The following CPNE7 variants were observed in gnomAD, a reference collection of about 807,000 sequenced individuals.
CPNE7 encodes the protein copine 7.
Under a neutral mutation model 66.5 loss-of-function variants are expected in CPNE7, and 78 were observed. The observed-to-expected ratio is 1.17, with a 90% CI of 0.98 to 1.42. The LOEUF (loss-of-function observed/expected upper bound fraction) is 1.42, where lower values mean the gene tolerates loss of function less well. Among genes scored for constraint, CPNE7 ranks in the 40% most tolerant of loss-of-function variants. The pLI, the probability that CPNE7 is intolerant of heterozygous loss-of-function variation, is 0.00. For synonymous variants in CPNE7, 468 were observed against 336.7 expected (o/e 1.39, Z -4.27); for missense variants, 1,012 against 776.6 (o/e 1.30, Z -3.60).
intron 9 of CPNE7, 59 bp downstream of exon 9, chr16:89,587,161 C>T (rs2059060690): frequency 1.1e-6 from 1 of 929,988 alleles, no homozygotes. Flanking sequence ...CCCCGCCCCG[C>T]CCCCTCAGTC....
chr16:89,590,901 GGGGGACATGGGGGCT>G (rs2059156965), intron 11 of CPNE7, 91 bp from the exon 12 acceptor site: 1 of 1,213,742 alleles, frequency 8.2e-7, no homozygotes, highest in Non-Finnish European at 1.2e-6. Flanking sequence ...GCAGCTGACT[GGGGGACATGGGGGCT>G]GGGGACGGGG....
chr16:89,579,110 G>A, intron 2 of CPNE7: 1 of 659,246 alleles, frequency 1.5e-6, no homozygotes, highest in Non-Finnish European at 2.4e-6. Flanking sequence ...CCAACATGAT[G>A]AAACCCCATC....
chr16:89,585,454 C>A lies in CPNE7; in HGVS notation c.592-10C>A. On this transcript the variant is annotated splice_polypyrimidine_tract_variant and intron_variant, in intron 5 of 14. Coordinates refer to ENST00000319518, the MANE Select transcript of CPNE7 (RefSeq NM_153636.3). Reference sequence around the variant, plus strand: ...GGGCCTCCCCTGAGCCAGCCCCTCCCGGCCCACAGGTGGTGAAGAACAACC... The same window carrying A: ...GGGCCTCCCCTGAGCCAGCCCCTCCAGGCCCACAGGTGGTGAAGAACAACC... The A allele has an allele frequency of 6.2e-7, 1 of 1,605,644 alleles. No individual in the cohort carries two copies. Among genetic ancestry groups the A allele is most frequent in the East Asian group, 2.2e-5 (1 of 44,510 alleles).
In CPNE7 at chr16:89,596,541, G is replaced by A; in HGVS notation, c.1597G>A (p.Glu533Lys). 4 of 1,609,934 alleles carry A rather than the reference G, an allele frequency of 2.5e-6. No homozygotes were observed. Among genetic ancestry groups the A allele is most frequent in the Non-Finnish European group, 2.5e-6 (3 of 1,179,838 alleles). The change falls in exon 15 of 15, where the codon GAG (glutamate) becomes AAG (lysine). Residue 533 changes from glutamate (E) to lysine (K), a missense_variant. Transcript: ENST00000319518. The part of the protein sequence containing the change: ...VLAEVPKQVV[E>K]YYSHRGLPPR... ...GGCCGAGGTCCCGAAGCAGGTGGTGGAGTACTACAGCCACAGAGGCCTGCC... is the reference window on the plus strand; with the variant it reads ...GGCCGAGGTCCCGAAGCAGGTGGTGAAGTACTACAGCCACAGAGGCCTGCC...
chr16:89,579,274 A>G (rs890366336), intron 2 of CPNE7, among the ~76,000 whole-genome samples: 1 of 151,812 alleles, frequency 6.6e-6, no homozygotes, highest in Non-Finnish European at 1.5e-5. Flanking sequence ...CCCAGGTGAC[A>G]GTGAGTCTTT....
chr16:89,592,119 C>A (rs982153683), intron 13 of CPNE7, among the ~76,000 whole-genome samples: 1 of 151,528 alleles, frequency 6.6e-6, no homozygotes, highest in Non-Finnish European at 1.5e-5. Context: ...CGCCATTCTC[C>A]TGCCTCAGCC....
intron 1 of CPNE7, 113 bp downstream of exon 1, chr16:89,576,184 C>T (rs373250085): frequency 1.1e-6 from 1 of 934,572 alleles, no homozygotes. Context: ...AGGCGGGGCC[C>T]CCCGGAGCTG....
chr16:89,590,695 C>T (rs1397728959), intron 11 of CPNE7, among the ~76,000 whole-genome samples: 2 of 147,738 alleles, frequency 1.4e-5, no homozygotes, highest in African/African-American at 5.1e-5. Flanking sequence ...GTTTGGCTTC[C>T]CCTAGAAACT....
chr16:89,593,542 C>G (rs966195050), intron 13 of CPNE7, among the ~76,000 whole-genome samples: 1 of 151,692 alleles, frequency 6.6e-6, no homozygotes, highest in African/African-American at 2.4e-5. Context: ...TTAGTAGAGA[C>G]GGGGTTTCAC....
At chr16:89,590,952 G>A in intron 11 of CPNE7, 55 bp from the exon 12 acceptor site, 4 of 1,602,304 alleles carry the variant, frequency 2.5e-6, no homozygotes, top group Non-Finnish European at 3.4e-6. Flanking sequence ...GGGACATGGG[G>A]CCAGTGGGGT....
chr16:89,583,786 C>G lies in CPNE7; in HGVS notation c.432+15C>G. ...CCACCATCACGGTGAGACCCGGGCG[C>G]ACCCCTGCAGCCTGCAGGCCCTGCT... On this transcript the variant is annotated intron_variant, in intron 3 of 14. Coordinates refer to ENST00000319518, the MANE Select transcript of CPNE7 (RefSeq NM_153636.3). 1 of 1,611,844 alleles carries G rather than the reference C, an allele frequency of 6.2e-7. No individual in the cohort carries two copies. Among genetic ancestry groups the G allele is most frequent in the Non-Finnish European group, 8.5e-7 (1 of 1,179,560 alleles).
Position 89,575,948 on chromosome 16 carries a change from C to G in CPNE7, c.51C>G (p.Pro17=), listed in dbSNP as rs750769364. 72 of 1,338,754 alleles carry G rather than the reference C, an allele frequency of 5.4e-5. No homozygotes were observed. The highest frequency in any genetic ancestry group is 6.7e-5 in the Non-Finnish European group (70 of 1,044,580). The allele number at this position is 1,338,754 out of a possible 1,614,324, so 82.9% of individuals were successfully genotyped here. A position where few individuals can be genotyped will look rare whatever the true frequency, so the allele number is the denominator to read the frequency against. The part of the protein sequence containing the change: ...RGAAATPGGL[P]APCASKVELR... ...CGGCGGCAACCCCCGGGGGTTTGCC[C>G]GCGCCCTGCGCCTCGAAGGTGGAGC... Residue 17 remains proline (P), a synonymous_variant, in exon 1 of 15, where the codon CCC becomes CCG. Transcript: ENST00000319518.
At chr16:89,588,613 T>C in intron 9 of CPNE7, 62 bp from the exon 10 acceptor site, 1 of 1,602,268 alleles carries the variant, frequency 6.2e-7, no homozygotes, top group Non-Finnish European at 8.5e-7. Flanking sequence ...TTTCTCTACC[T>C]GTCAGGAGCG....
intron 1 of CPNE7, among the ~76,000 whole-genome samples, chr16:89,576,702 C>G (rs116272827): frequency 6.6e-6 from 1 of 152,140 alleles, no homozygotes; most frequent in Non-Finnish European, 1.5e-5. Context: ...GCGGAGGAGC[C>G]GGAACTCGAA....
At position 89,596,601 on chromosome 16, in the gene CPNE7, AG is replaced by A; in HGVS notation, c.1658del (p.Ser553ThrfsTer17). On this transcript the variant is annotated frameshift_variant, in exon 15 of 15. Transcript: ENST00000319518. LOFTEE classifies it high-confidence loss of function. ...RSLGVPAGEASPGCTP is the reference protein window; with the variant it reads ...RSLGVPAGEAXPGCTP The stretch of plus-strand genomic sequence containing the variant: ...CCTGGGTGTCCCTGCCGGAGAGGCC[AG>A]CCCAGGCTGCACACCGTGAAGATGT... 6.2e-7 allele frequency: 1 copy of A among 1,605,002 alleles called. No homozygotes were observed.
intron 1 of CPNE7, among the ~76,000 whole-genome samples, chr16:89,576,568 G>A (rs1405599039): frequency 6.6e-6 from 1 of 152,192 alleles, no homozygotes; most frequent in East Asian, 1.9e-4. Context: ...CGCTGTGATC[G>A]CGGTTGGGGT....
At chr16:89,593,954 CTT>C (rs1360580414) in intron 13 of CPNE7, 1 of 152,302 alleles carries the variant, frequency 6.6e-6, no homozygotes, top group East Asian at 1.9e-4. Context: ...AGATAAGCCT[CTT>C]TTTAAGCAGC....
At position 89,576,016 on chromosome 16, in the gene CPNE7, C is replaced by T; in HGVS notation, c.119C>T (p.Thr40Ile). 1 of 1,358,398 alleles carries T rather than the reference C, an allele frequency of 7.4e-7. No individual in the cohort carries two copies. Among genetic ancestry groups the T allele is most frequent in the Non-Finnish European group, 9.5e-7 (1 of 1,054,740 alleles). 84.1% of individuals were successfully genotyped at this position (1,358,398 alleles called of 1,614,324 possible). A position where few individuals can be genotyped will look rare whatever the true frequency, so the allele number is the denominator to read the frequency against. Residue 40 changes from threonine (T) to isoleucine (I), a missense_variant, in exon 1 of 15, where the codon ACC (threonine) becomes ATC (isoleucine). Thr to Ile is a moderately conservative substitution (Grantham distance 89). Transcript: ENST00000319518. The stretch of plus-strand genomic sequence containing the variant: ...CACCTGCTGGACCGCGACCCGCTCA[C>T]CAAGTCCGACCCCAGCGTGGCGTTG... ...CRHLLDRDPL[T>I]KSDPSVALLQ...
At chr16:89,591,425 C>T (rs150465390) in intron 13 of CPNE7, among the ~76,000 whole-genome samples, 165 bp downstream of exon 13, 1 of 152,214 alleles carries the variant, frequency 6.6e-6, no homozygotes, top group East Asian at 1.9e-4. Flanking sequence ...ACTACGTCTC[C>T]CTCAAAGGTG....
Sources: gnomAD v4.1 joint callset for allele counts (sites outside exome capture counted in the v4.1 genomes callset) on GRCh38, gnomAD v4.1.1 for gene constraint, MANE v1.5 for transcripts, NCBI Gene and HGNC (gene_info 2026-07-23, HGNC 2026-07-21) for gene names.